The following MACROD2 variants were observed in gnomAD, a reference collection of about 807,000 sequenced individuals.
MACROD2 encodes the protein mono-ADP ribosylhydrolase 2.
In MACROD2, 36 loss-of-function variants were observed where a neutral mutation model predicts 70.4. The observed-to-expected ratio is 0.51, with a 90% CI of 0.39 to 0.68. The LOEUF (loss-of-function observed/expected upper bound fraction) is 0.68. MACROD2 is among the 30% of genes least tolerant of loss of function. MACROD2 has a pLI of 0.00. For synonymous variants in MACROD2, 172 were observed against 178.8 expected, an observed-to-expected ratio of 0.96 and a Z score of 0.30; for missense variants, 496 against 538.4, an observed-to-expected ratio of 0.92 and a Z score of 0.78.
At chr20:14,607,528 G>A (rs188480682) in intron 4 of MACROD2, among the ~76,000 whole-genome samples, 3 of 152,208 alleles carry the variant, frequency 2.0e-5, no homozygotes, top group African/African-American at 4.8e-5. Context: ...GCTCAATAAC[G>A]AGGATGCAAA....
intron 3 of MACROD2, among the ~76,000 whole-genome samples, chr20:14,391,878 A>G (rs2083530400): frequency 6.7e-6 from 1 of 149,508 alleles, no homozygotes; most frequent in African/African-American, 2.5e-5. Flanking sequence ...TACTATGTTC[A>G]CTAACTGGAT....
chr20:15,310,063 GATTA>G (rs1291651469), intron 6 of MACROD2, among the ~76,000 whole-genome samples: 1 of 152,148 alleles, frequency 6.6e-6, no homozygotes, highest in African/African-American at 2.4e-5. Context: ...AGTATGGCCA[GATTA>G]ATTTATTTAG....
intron 15 of MACROD2, among the ~76,000 whole-genome samples, chr20:16,006,829 A>G (rs949508430): frequency 2.0e-5 from 3 of 152,252 alleles, no homozygotes; most frequent in Non-Finnish European, 2.9e-5. Context: ...TTGTAAATCT[A>G]CTACCATCTT....
At chr20:15,570,611 C>T (rs1600606484) in intron 8 of MACROD2, among the ~76,000 whole-genome samples, 2 of 152,208 alleles carry the variant, frequency 1.3e-5, no homozygotes, top group South Asian at 2.1e-4. Context: ...GGCACTCACA[C>T]TTTTTCTTTC....
At chr20:16,012,101 C>G (rs912187) in intron 15 of MACROD2, among the ~76,000 whole-genome samples, 1 of 152,184 alleles carries the variant, frequency 6.6e-6, no homozygotes, top group Non-Finnish European at 1.5e-5. Context: ...GATGCTGAGA[C>G]GCCAGCTTCT....
chr20:14,930,861 A>T (rs954410125), intron 5 of MACROD2, among the ~76,000 whole-genome samples: 18 of 109,936 alleles, frequency 1.6e-4, no homozygotes, highest in Non-Finnish European at 2.9e-4. Flanking sequence ...AATTTTTTTA[A>T]GTAAAAAAAA....
chr20:15,118,269 T>C (rs997455991), intron 5 of MACROD2, among the ~76,000 whole-genome samples: 1 of 150,814 alleles, frequency 6.6e-6, no homozygotes, highest in Non-Finnish European at 1.5e-5. Context: ...CTCGGCTCAC[T>C]GCAACCTCCA....
intron 8 of MACROD2, among the ~76,000 whole-genome samples, chr20:15,797,175 G>A (rs939867183): frequency 3.3e-5 from 5 of 152,016 alleles, no homozygotes; most frequent in Admixed American, 6.5e-5. Context: ...GTGCAGTGGC[G>A]TGATCTCGGC....
At chr20:15,169,742 AT>A (rs2076410213) in intron 5 of MACROD2, among the ~76,000 whole-genome samples, 1 of 152,102 alleles carries the variant, frequency 6.6e-6, no homozygotes, top group Non-Finnish European at 1.5e-5. Flanking sequence ...AAGATGCTTT[AT>A]TGATGATAGG....
intron 6 of MACROD2, among the ~76,000 whole-genome samples, chr20:15,344,787 A>G (rs1259949032): frequency 6.6e-6 from 1 of 152,228 alleles, no homozygotes; most frequent in Non-Finnish European, 1.5e-5. Flanking sequence ...GCCATAGAAA[A>G]AGAATTGGAA....
intron 5 of MACROD2, among the ~76,000 whole-genome samples, chr20:14,949,782 T>G (rs1466209704): frequency 2.0e-5 from 3 of 152,314 alleles, no homozygotes; most frequent in East Asian, 3.9e-4. Context: ...ACTGATATAA[T>G]GGGCATCATT....
At chr20:15,508,508 C>T (rs2047456886) in intron 8 of MACROD2, among the ~76,000 whole-genome samples, 1 of 152,118 alleles carries the variant, frequency 6.6e-6, no homozygotes, top group African/African-American at 2.4e-5. Flanking sequence ...CCCAAAGATG[C>T]ATTCTGTCTT....
intron 5 of MACROD2, among the ~76,000 whole-genome samples, chr20:14,748,817 A>G (rs1174802813): frequency 1.3e-5 from 2 of 152,038 alleles, no homozygotes; most frequent in Non-Finnish European, 2.9e-5. Context: ...GGTAGGAGGC[A>G]GGAATGGTCC....
intron 15 of MACROD2, among the ~76,000 whole-genome samples, chr20:15,999,017 AT>A (rs2066672612): frequency 6.6e-6 from 1 of 151,846 alleles, no homozygotes; most frequent in Non-Finnish European, 1.5e-5. Flanking sequence ...TCAGTCCTAA[AT>A]TTTTACCATT....
At chr20:14,492,956 T>G (rs2084811333) in intron 3 of MACROD2, among the ~76,000 whole-genome samples, 1 of 152,108 alleles carries the variant, frequency 6.6e-6, no homozygotes, top group Non-Finnish European at 1.5e-5. Context: ...TGTTTAACGT[T>G]TATTTCTTTC....
At chr20:15,117,312 C>T (rs912846898) in intron 5 of MACROD2, among the ~76,000 whole-genome samples, 2 of 152,072 alleles carry the variant, frequency 1.3e-5, no homozygotes, top group Non-Finnish European at 2.9e-5. Flanking sequence ...ATTATTTTGT[C>T]AATTTTCCTA....
chr20:15,278,078 G>A (rs1384156721), intron 6 of MACROD2, among the ~76,000 whole-genome samples: 5 of 152,186 alleles, frequency 3.3e-5, no homozygotes, highest in African/African-American at 1.2e-4. Flanking sequence ...GGGTCCCAGT[G>A]ATAGCAAGGT....
At chr20:15,362,928 G>A (rs2078369957) in intron 6 of MACROD2, among the ~76,000 whole-genome samples, 1 of 150,296 alleles carries the variant, frequency 6.7e-6, no homozygotes, top group South Asian at 2.1e-4. Context: ...GGAAATGAGA[G>A]AAGAGAAGAG....
chr20:14,601,960 A>G (rs548561106), intron 4 of MACROD2, among the ~76,000 whole-genome samples: 1 of 152,292 alleles, frequency 6.6e-6, no homozygotes, highest in Admixed American at 6.5e-5. Context: ...CACCATATAT[A>G]AACTATTTAT....
Sources: allele counts gnomAD v4.1 joint callset (sites outside exome capture counted in the v4.1 genomes callset), GRCh38; gene constraint gnomAD v4.1.1; transcripts MANE v1.5; gene names NCBI Gene and HGNC (gene_info 2026-07-23, HGNC 2026-07-21).